The following PIEZO2 variants were observed in gnomAD, a reference collection of about 807,000 sequenced individuals.
The protein encoded by PIEZO2 is piezo-type mechanosensitive ion channel component 2.
In PIEZO2, 172 loss-of-function variants were observed where a neutral mutation model predicts 337.3. The observed-to-expected ratio is 0.51, with a 90% confidence interval of 0.45 to 0.58. The LOEUF (loss-of-function observed/expected upper bound fraction) is 0.58. Among genes scored for constraint, PIEZO2 ranks in the 20% least tolerant of loss-of-function variants. PIEZO2 has a pLI of 0.00. For synonymous variants in PIEZO2, 1,251 were observed against 1,228.5 expected, an observed-to-expected ratio of 1.02 and a Z score of -0.38; for missense variants, 3,028 against 3,391.3, an observed-to-expected ratio of 0.89 and a Z score of 2.66.
At chr18:10,822,252 T>A (rs1027959185) in intron 7 of PIEZO2, among the ~76,000 whole-genome samples, 1 of 152,244 alleles carries the variant, frequency 6.6e-6, no homozygotes, top group African/African-American at 2.4e-5. Flanking sequence ...ACTTAGAGTA[T>A]TAAGTCAGAA....
At chr18:10,845,285 C>T (rs1391142658) in intron 7 of PIEZO2, among the ~76,000 whole-genome samples, 1 of 151,698 alleles carries the variant, frequency 6.6e-6, no homozygotes, top group Non-Finnish European at 1.5e-5. Flanking sequence ...TACCAAGAAA[C>T]ACAATTAAAT....
Position 11,116,343 on chromosome 18 carries a change from T to A in PIEZO2, c.64+32182A>T, listed in dbSNP as rs143709177. On this transcript the variant is annotated intron_variant, in intron 1 of 55. Transcript: ENST00000674853. This position sits in a 1 kb window ranked among gnomAD's most constrained non-coding sequence, Gnocchi z 5.0. ...CTAATAGAATATGTGCAAGGGGCTCTTGAGGAGGAAGCTGCCCAACGGTGT... is the reference window on the plus strand; with the variant it reads ...CTAATAGAATATGTGCAAGGGGCTCATGAGGAGGAAGCTGCCCAACGGTGT... 5.2e-3 allele frequency among the ~76,000 whole-genome samples: 790 copies of A among 152,264 alleles called. 2 individuals are homozygous for A. The highest frequency in any genetic ancestry group is 9.2e-3 in the Non-Finnish European group (625 of 68,014).
Position 10,746,830 on chromosome 18 carries a change from G to C in PIEZO2, c.4424+1641C>G, listed in dbSNP as rs2037442989. Among the ~76,000 whole-genome samples, 1 of 152,204 alleles carries C rather than the reference G, an allele frequency of 6.6e-6. No homozygotes were observed. The highest frequency in any genetic ancestry group is 1.5e-5 in the Non-Finnish European group (1 of 68,030). On this transcript the variant is annotated intron_variant, in intron 30 of 55. Transcript: ENST00000674853. This position sits in a 1 kb window ranked among gnomAD's most constrained non-coding sequence, Gnocchi z 4.2. ...TCGAACCTTGATGTTGGACTTTCCA[G>C]CCTGTGGAACTGTAAGAATTGAGTG... is the stretch of plus-strand genomic sequence containing the variant.
At position 10,677,998 on chromosome 18, in the gene PIEZO2, C is replaced by T. The variant is rs1160898870; in HGVS notation, c.7953-123G>A. 1 of 891,396 alleles carries T rather than the reference C, an allele frequency of 1.1e-6. No homozygotes were observed. Among genetic ancestry groups the T allele is most frequent in the African/African-American group, 1.7e-5 (1 of 58,998 alleles). The allele number at this position is 891,396 out of a possible 1,614,324, so 55.2% of individuals were successfully genotyped here. On this transcript the variant is annotated intron_variant, in intron 52 of 55. Coordinates refer to ENST00000674853, the MANE Select transcript of PIEZO2 (RefSeq NM_001378183.1). The surrounding 1 kb of genome is among the most constrained non-coding windows in gnomAD (Gnocchi z 4.1). ...ACGTTTTCATTGGGTCCACAACGGT[C>T]AATCCTGACCCTTTCAGTCTACTTC...
In PIEZO2 at chr18:10,914,293, A is replaced by G. The variant is rs2030746598; in HGVS notation, c.287-3065T>C. ...TATTTTTTTTTTTTCAGGAAAACCG[A>G]AACAGCAACAATAATTAAAAGGAAA... On this transcript the variant is annotated intron_variant, in intron 3 of 55. Transcript: ENST00000674853. Among the ~76,000 whole-genome samples the G allele has an allele frequency of 2.0e-5, 3 of 152,060 alleles. 1 individual carries two copies. The South Asian group carries it at 6.2e-4, about 32-fold the overall frequency.
rs535479933 is a variant in PIEZO2, at chr18:11,061,602, T to C, written c.160+4525A>G. Among the ~76,000 whole-genome samples the C allele has an allele frequency of 3.9e-5, 6 of 152,172 alleles. 1 individual carries two copies. The South Asian group carries it at 1.2e-3, about 32-fold the overall frequency. On this transcript the variant is annotated intron_variant, in intron 2 of 55. Coordinates refer to ENST00000674853, the MANE Select transcript of PIEZO2 (RefSeq NM_001378183.1). ...TGTACAAAAATCACAAGCATTCTTA[T>C]ACACCAAAAACAGACAAACAGAGAG...
At chr18:10,933,172 G>T (rs2032191646) in intron 3 of PIEZO2, among the ~76,000 whole-genome samples, 1 of 151,830 alleles carries the variant, frequency 6.6e-6, no homozygotes, top group South Asian at 2.1e-4. Context: ...GATTACAGTG[G>T]GCAATTAACT....
chr18:10,809,529 A>T (rs1463661425), intron 7 of PIEZO2, among the ~76,000 whole-genome samples: 1 of 151,312 alleles, frequency 6.6e-6, no homozygotes, highest in Non-Finnish European at 1.5e-5. Context: ...TGGCCTCCCA[A>T]AGTGCTGGGA....
intron 2 of PIEZO2, among the ~76,000 whole-genome samples, chr18:10,990,776 T>C (rs1317795073): frequency 2.0e-5 from 3 of 151,472 alleles, no homozygotes; most frequent in African/African-American, 4.8e-5. Flanking sequence ...ATTTTTCTTC[T>C]TTAGACTATT....
chr18:10,787,651 C>T (rs957396838), intron 15 of PIEZO2, among the ~76,000 whole-genome samples: 11 of 152,300 alleles, frequency 7.2e-5, no homozygotes, highest in African/African-American at 2.6e-4. Context: ...TTACCGTAAG[C>T]TGTGGATATT....
rs200384802 is a variant in PIEZO2, at chr18:10,714,646, TG to T, written c.5423+117del. Reference sequence around the variant, plus strand: ...ACAGATGGCGACAGCTGGAAGAGGGTGGGGGTCCATGCATGGTTTTGATGAA... The same window carrying T: ...ACAGATGGCGACAGCTGGAAGAGGGTGGGGTCCATGCATGGTTTTGATGAA... On this transcript the variant is annotated intron_variant, in intron 39 of 55. Transcript: ENST00000674853. 4.0e-4 allele frequency: 455 copies of T among 1,126,192 alleles called. 1 individual carries two copies. The African/African-American group carries it at 5.9e-3, about 15-fold the overall frequency. 69.8% of individuals were successfully genotyped at this position (1,126,192 alleles called of 1,614,324 possible).
chr18:10,766,882 A>G lies in PIEZO2; in HGVS notation c.2946+3266T>C, dbSNP rs1006947181. 2.6e-5 allele frequency among the ~76,000 whole-genome samples: 4 copies of G among 152,224 alleles called. No individual in the cohort carries two copies. The highest frequency in any genetic ancestry group is 9.6e-5 in the African/African-American group (4 of 41,462). ...ATTGTGAGTCCTTAATAAAGGCTCA[A>G]TGAATGCTTAGTGAGAGTGAAAATA... is the stretch of plus-strand genomic sequence containing the variant. On this transcript the variant is annotated intron_variant, in intron 21 of 55. Coordinates refer to ENST00000674853, the MANE Select transcript of PIEZO2 (RefSeq NM_001378183.1). This position sits in a 1 kb window ranked among gnomAD's most constrained non-coding sequence, Gnocchi z 6.1.
intron 4 of PIEZO2, among the ~76,000 whole-genome samples, chr18:10,898,924 G>T (rs892003440): frequency 1.8e-4 from 28 of 152,156 alleles, no homozygotes; most frequent in African/African-American, 6.3e-4. Context: ...ACGAAGCCTG[G>T]GAGTCCTGCC....
intron 7 of PIEZO2, among the ~76,000 whole-genome samples, chr18:10,820,522 G>C (rs1460329590): frequency 1.3e-5 from 2 of 151,772 alleles, no homozygotes; most frequent in Non-Finnish European, 2.9e-5. Flanking sequence ...TGTTCTTTTT[G>C]TCCATCAATT....
chr18:10,990,870 T>C (rs1234838502), intron 2 of PIEZO2, among the ~76,000 whole-genome samples: 1 of 152,014 alleles, frequency 6.6e-6, no homozygotes, highest in Non-Finnish European at 1.5e-5. Context: ...TCTTGGTGAA[T>C]AATTCTTTTT....
At chr18:10,757,513 GAGGAGGAGGGA>G (rs1598438755) in intron 27 of PIEZO2, among the ~76,000 whole-genome samples, 1 of 35,242 alleles carries the variant, frequency 2.8e-5, no homozygotes, top group East Asian at 1.3e-3. Context: ...GACAGAAGAT[GAGGAGGAGGGA>G]TGGGGATGAG....
rs1004599673 is a variant in PIEZO2 at position 10,856,188 on chromosome 18, T to G, written c.704-622A>C. Among the ~76,000 whole-genome samples the G allele has an allele frequency of 2.0e-5, 3 of 152,218 alleles. No homozygotes were observed. Among genetic ancestry groups the G allele is most frequent in the Non-Finnish European group, 4.4e-5 (3 of 68,022 alleles). ...GGCTCGGATTACAGGCATGAGCCAC[T>G]GCTCCTGGCCAATAACTCCTTTAAA... On this transcript the variant is annotated intron_variant, in intron 6 of 55. Coordinates refer to ENST00000674853, the MANE Select transcript of PIEZO2 (RefSeq NM_001378183.1). This position sits in a 1 kb window ranked among gnomAD's most constrained non-coding sequence, Gnocchi z 4.7.
At chr18:10,681,783 T>C (rs779545709) in intron 50 of PIEZO2, 30 bp from the exon 51 acceptor site, 4 of 1,524,988 alleles carry the variant, frequency 2.6e-6, no homozygotes, top group Non-Finnish European at 2.7e-6. Context: ...GTGTTGTCAA[T>C]ATTCCCCAGC....
rs147926295 is a variant in PIEZO2, at chr18:10,810,943, C to A, written c.918-3669G>T. 2.9e-3 allele frequency among the ~76,000 whole-genome samples: 440 copies of A among 152,314 alleles called. 4 individuals carry two copies. The Middle Eastern group carries it at 0.041, about 14-fold the overall frequency. On this transcript the variant is annotated intron_variant, in intron 7 of 55. Coordinates refer to ENST00000674853, the MANE Select transcript of PIEZO2 (RefSeq NM_001378183.1). Reference sequence around the variant, plus strand: ...ATTCCAAAATATTACAGGGGTCACACAGGATACCAGCTGTTCAGGATGCAT... The same window carrying A: ...ATTCCAAAATATTACAGGGGTCACAAAGGATACCAGCTGTTCAGGATGCAT...
Sources: allele counts gnomAD v4.1 joint callset (sites outside exome capture counted in the v4.1 genomes callset), GRCh38; gene constraint gnomAD v4.1.1; non-coding constraint Gnocchi (gnomAD v3.1); transcripts MANE v1.5; gene names NCBI Gene and HGNC (gene_info 2026-07-23, HGNC 2026-07-21).